Variants in RALYL observed in about 807,000 individuals in gnomAD.
RALYL encodes RNA-binding Raly-like protein.
RALYL carries 29 observed loss-of-function variants against 35.1 expected under a neutral mutation model. The observed-to-expected ratio is 0.83, with a 90% CI of 0.61 to 1.13. The LOEUF (loss-of-function observed/expected upper bound fraction) is 1.13, where lower values mean the gene tolerates loss of function less well. Among genes scored for constraint, RALYL ranks in the 50% most tolerant of loss-of-function variants. The probability of loss-of-function intolerance (pLI) is 0.00; values close to 1 mark genes in which losing one functional copy is unlikely to be tolerated. For missense variants in RALYL, 359 were observed against 360.4 expected, an observed-to-expected ratio of 1.00 and a Z score of 0.03; for synonymous variants, 120 against 127.6, an observed-to-expected ratio of 0.94 and a Z score of 0.40.
intron 1 of RALYL, among the ~76,000 whole-genome samples, chr8:84,396,585 T>C (rs561279895): frequency 1.3e-5 from 2 of 152,104 alleles, no homozygotes; most frequent in Non-Finnish European, 2.9e-5. Flanking sequence ...TTAAAGAAGA[T>C]AATACATTAT....
At chr8:84,224,157 T>G (rs1823237486) in intron 1 of RALYL, among the ~76,000 whole-genome samples, 2 of 152,182 alleles carry the variant, frequency 1.3e-5, no homozygotes, top group Non-Finnish European at 2.9e-5. Flanking sequence ...TGGCTCACTT[T>G]TTGGGGCAAA....
intron 4 of RALYL, among the ~76,000 whole-genome samples, chr8:84,840,369 G>C (rs2134564667): frequency 6.6e-6 from 1 of 152,302 alleles, no homozygotes; most frequent in Non-Finnish European, 1.5e-5. Context: ...AAGGGTATCA[G>C]TGATGGAAGA....
chr8:84,248,992 A>G (rs1829671580), intron 1 of RALYL, among the ~76,000 whole-genome samples: 1 of 152,070 alleles, frequency 6.6e-6, no homozygotes, highest in South Asian at 2.1e-4. Context: ...CTCTTTTTAT[A>G]TATTTGTTTA....
At chr8:84,822,691 A>AG (rs1264754572) in intron 4 of RALYL, among the ~76,000 whole-genome samples, 1 of 152,160 alleles carries the variant, frequency 6.6e-6, no homozygotes, top group Non-Finnish European at 1.5e-5. Flanking sequence ...TGTAAGATGA[A>AG]GAGTAGTATC....
At chr8:84,618,384 G>A (rs1332821174) in intron 2 of RALYL, among the ~76,000 whole-genome samples, 9 of 151,540 alleles carry the variant, frequency 5.9e-5, no homozygotes, top group Admixed American at 4.6e-4. Flanking sequence ...TTTGCATAGA[G>A]GTGTTTGTAG....
chr8:84,850,418 T>G (rs1392509378), intron 5 of RALYL, among the ~76,000 whole-genome samples: 1 of 152,174 alleles, frequency 6.6e-6, no homozygotes, highest in Admixed American at 6.5e-5. Flanking sequence ...AAATGCTATA[T>G]TGGGTAGAGT....
intron 2 of RALYL, among the ~76,000 whole-genome samples, chr8:84,745,113 T>G (rs1302382900): frequency 6.6e-6 from 1 of 151,324 alleles, no homozygotes; most frequent in East Asian, 2.0e-4. Context: ...GAGTATTACC[T>G]TGGTTCACCA....
At chr8:84,804,535 AAATG>A (rs1824132068) in intron 3 of RALYL, among the ~76,000 whole-genome samples, 1 of 152,212 alleles carries the variant, frequency 6.6e-6, no homozygotes, top group Non-Finnish European at 1.5e-5. Context: ...TATATCAGTT[AAATG>A]TTATGTCCTC....
intron 1 of RALYL, among the ~76,000 whole-genome samples, chr8:84,278,027 G>C (rs984982783): frequency 3.3e-5 from 5 of 152,236 alleles, no homozygotes; most frequent in African/African-American, 1.2e-4. Context: ...AGGGCACCCT[G>C]TTGGAGGGCT....
At chr8:84,851,542 C>CA (rs922475932) in intron 5 of RALYL, among the ~76,000 whole-genome samples, 11 of 151,234 alleles carry the variant, frequency 7.3e-5, no homozygotes, top group African/African-American at 1.7e-4. Context: ...ATGCAAACAA[C>CA]AAAAAAAACC....
intron 7 of RALYL, among the ~76,000 whole-genome samples, chr8:84,883,199 T>C (rs1842442647): frequency 6.6e-6 from 1 of 152,044 alleles, no homozygotes; most frequent in South Asian, 2.1e-4. Flanking sequence ...AGTTAATGAT[T>C]GGATGATGAG....
intron 1 of RALYL, among the ~76,000 whole-genome samples, chr8:84,515,418 A>G (rs2057981791): frequency 6.6e-6 from 1 of 152,202 alleles, no homozygotes; most frequent in South Asian, 2.1e-4. Context: ...TAGGAATTAC[A>G]TATCCCTTAA....
chr8:84,495,167 G>C (rs1439681897), intron 1 of RALYL, among the ~76,000 whole-genome samples: 1 of 151,996 alleles, frequency 6.6e-6, no homozygotes, highest in Non-Finnish European at 1.5e-5. Context: ...TGTGGTTTTT[G>C]TCATTGATTG....
chr8:84,739,635 AC>A (rs1847924704), intron 2 of RALYL, among the ~76,000 whole-genome samples: 1 of 151,850 alleles, frequency 6.6e-6, no homozygotes, highest in Non-Finnish European at 1.5e-5. Flanking sequence ...ATATTCACAC[AC>A]AAACATGACA....
intron 2 of RALYL, among the ~76,000 whole-genome samples, chr8:84,612,417 ACT>A (rs1818504915): frequency 6.6e-6 from 1 of 151,640 alleles, no homozygotes; most frequent in South Asian, 2.1e-4. Context: ...CCTGTGACAA[ACT>A]CCCCCTTTTG....
At chr8:84,470,049 T>C (rs938618695) in intron 1 of RALYL, among the ~76,000 whole-genome samples, 4 of 152,164 alleles carry the variant, frequency 2.6e-5, no homozygotes, top group Non-Finnish European at 4.4e-5. Flanking sequence ...TGGCACTTCC[T>C]AGTGAGATGC....
At chr8:84,192,299 C>T (rs1478195927) in intron 1 of RALYL, among the ~76,000 whole-genome samples, 5 of 152,186 alleles carry the variant, frequency 3.3e-5, no homozygotes, top group Non-Finnish European at 7.3e-5. Context: ...AAGATACATA[C>T]CAGCCCTGTG....
chr8:84,395,320 T>C (rs7831808), intron 1 of RALYL, among the ~76,000 whole-genome samples: 4,301 of 152,024 alleles, frequency 0.028, 197 homozygotes, highest in African/African-American at 0.098. Context: ...ATTCCATTTC[T>C]AATAAAAAAT....
At chr8:84,383,628 G>A (rs573004724) in intron 1 of RALYL, among the ~76,000 whole-genome samples, 1 of 151,612 alleles carries the variant, frequency 6.6e-6, no homozygotes, top group Non-Finnish European at 1.5e-5. Context: ...ATTGCACCCA[G>A]TGATGTGTTG....
Sources: allele counts gnomAD v4.1 joint callset (sites outside exome capture counted in the v4.1 genomes callset), GRCh38; gene constraint gnomAD v4.1.1; transcripts MANE v1.5; gene names NCBI Gene and HGNC (gene_info 2026-07-23, HGNC 2026-07-21).